RFX8: variants seen among roughly 807,000 people sequenced by gnomAD.
The protein encoded by RFX8 is DNA-binding protein RFX8.
Under a neutral mutation model 54.6 loss-of-function variants are expected in RFX8, and 46 were observed. The observed-to-expected ratio is 0.84, with a 90% confidence interval of 0.67 to 1.08. The LOEUF is 1.08. RFX8 is among the 50% of genes least tolerant of loss of function. RFX8 has a pLI of 0.00. For missense variants in RFX8, 536 were observed against 562.3 expected (o/e 0.95, Z 0.47); for synonymous variants, 192 against 209.5 (o/e 0.92, Z 0.72).
intron 9 of RFX8, 85 bp from the exon 10 acceptor site, chr2:101,406,142 T>C (rs1250546919): frequency 8.4e-6 from 6 of 710,604 alleles, no homozygotes; most frequent in Non-Finnish European, 2.3e-6. Flanking sequence ...ACATTTGTCA[T>C]GCACACGCAT....
chr2:101,432,896 G>A (rs1382412295), intron 2 of RFX8, among the ~76,000 whole-genome samples: 1 of 152,204 alleles, frequency 6.6e-6, no homozygotes, highest in Admixed American at 6.5e-5. Flanking sequence ...ACACAGGAGT[G>A]ACTCCCAGGC....
intron 2 of RFX8, among the ~76,000 whole-genome samples, chr2:101,446,702 T>C (rs190533896): frequency 1.7e-4 from 25 of 151,514 alleles, no homozygotes; most frequent in African/African-American, 5.8e-4. Context: ...ACGCTAATGG[T>C]CTCTCCCCTC....
chr2:101,460,843 A>T (rs1362042142), intron 2 of RFX8, among the ~76,000 whole-genome samples: 51 of 151,498 alleles, frequency 3.4e-4, no homozygotes, highest in Non-Finnish European at 3.4e-4. Context: ...TCCTGCAGGA[A>T]GTCCACACAA....
At chr2:101,465,226 T>C (rs1411029737) in intron 2 of RFX8, among the ~76,000 whole-genome samples, 1 of 152,106 alleles carries the variant, frequency 6.6e-6, no homozygotes, top group Non-Finnish European at 1.5e-5. Flanking sequence ...CAAAACTGAA[T>C]AGGTGGCCGG....
chr2:101,474,226 C>T (rs779922871), intron 1 of RFX8: 7 of 624,522 alleles, frequency 1.1e-5, no homozygotes, highest in South Asian at 5.1e-5. Flanking sequence ...GCTGTGCGGG[C>T]CCCGGCTACC....
At chr2:101,397,851 C>A in intron 11 of RFX8, 127 bp from the exon 12 acceptor site, 3 of 710,226 alleles carry the variant, frequency 4.2e-6, no homozygotes, top group South Asian at 2.4e-5. Flanking sequence ...AGGAGAAGTT[C>A]ATGCATTTAT....
At chr2:101,404,461 G>A (rs1455991747) in intron 10 of RFX8, among the ~76,000 whole-genome samples, 2 of 152,060 alleles carry the variant, frequency 1.3e-5, no homozygotes, top group Non-Finnish European at 2.9e-5. Flanking sequence ...GACAGAGTCT[G>A]GCTCTGTTGC....
At chr2:101,428,914 G>A (rs1160438201) in intron 2 of RFX8, 1 of 1,213,456 alleles carries the variant, frequency 8.2e-7, no homozygotes, top group East Asian at 2.5e-5. Flanking sequence ...GGTATTGCTA[G>A]GTCTGGGTCT....
At chr2:101,471,265 C>T (rs1689972309) in intron 1 of RFX8, among the ~76,000 whole-genome samples, 1 of 152,014 alleles carries the variant, frequency 6.6e-6, no homozygotes, top group South Asian at 2.1e-4. Context: ...ACCTGGGAGG[C>T]AGAGGTTGCA....
At chr2:101,424,878 C>T (rs2104593453) in intron 2 of RFX8, among the ~76,000 whole-genome samples, 1 of 152,136 alleles carries the variant, frequency 6.6e-6, no homozygotes, top group South Asian at 2.1e-4. Flanking sequence ...GGGTCGGGGC[C>T]TGGGGGAGGG....
intron 2 of RFX8, among the ~76,000 whole-genome samples, chr2:101,456,191 G>A (rs112085342): frequency 0.057 from 8,629 of 152,196 alleles, 459 homozygotes; most frequent in African/African-American, 0.14. Flanking sequence ...TTTCCTAATT[G>A]AATACCCTTT....
At chr2:101,438,647 G>A (rs555083358) in intron 2 of RFX8, among the ~76,000 whole-genome samples, 3 of 152,198 alleles carry the variant, frequency 2.0e-5, no homozygotes, top group Non-Finnish European at 2.9e-5. Context: ...GGTTTAATAA[G>A]AAACTGCCAA....
At chr2:101,412,846 A>T in intron 8 of RFX8, 69 bp downstream of exon 8, 1 of 1,412,546 alleles carries the variant, frequency 7.1e-7, no homozygotes. Context: ...TCATGAGTTA[A>T]CGATGGCCAT....
At chr2:101,424,818 A>G (rs979710091) in intron 2 of RFX8, among the ~76,000 whole-genome samples, 1 of 152,140 alleles carries the variant, frequency 6.6e-6, no homozygotes, top group African/African-American at 2.4e-5. Flanking sequence ...TTGAACAATG[A>G]GAACACTTGG....
In RFX8 at chr2:101,453,467, G is replaced by A. The variant is rs1037408217; in HGVS notation, c.72+13310C>T. On this transcript the variant is annotated intron_variant, in intron 2 of 11. Coordinates refer to ENST00000428343, the MANE Select transcript of RFX8 (RefSeq NM_001145664.2). ...AGCCTGGTCAACATGGTGAAAACCC[G>A]TCTCTACTAAAAATACAAAAATTAG... is the stretch of plus-strand genomic sequence containing the variant. Among the ~76,000 whole-genome samples the A allele has an allele frequency of 7.4e-4, 112 of 151,866 alleles. 2 individuals carry two copies. Among genetic ancestry groups the A allele is most frequent in the African/African-American group, 2.4e-3 (101 of 41,436 alleles).
chr2:101,406,134 A>G (rs1043823242), intron 9 of RFX8, 77 bp from the exon 10 acceptor site: 24 of 780,216 alleles, frequency 3.1e-5, no homozygotes, highest in Non-Finnish European at 4.8e-5. Context: ...AAATGCACAC[A>G]TTTGTCATGC....
chr2:101,419,396 A>G (rs981768696), intron 4 of RFX8, among the ~76,000 whole-genome samples: 5 of 152,194 alleles, frequency 3.3e-5, no homozygotes, highest in Admixed American at 2.0e-4. Flanking sequence ...CCTCCTTGCC[A>G]TCAAGTTAGA....
chr2:101,450,255 C>CT (rs1262651605), intron 2 of RFX8, among the ~76,000 whole-genome samples: 7 of 152,150 alleles, frequency 4.6e-5, no homozygotes, highest in Non-Finnish European at 1.0e-4. Context: ...GGGTCTCACT[C>CT]TGTCACCCAG....
At chr2:101,461,377 T>A (rs1388673718) in intron 2 of RFX8, among the ~76,000 whole-genome samples, 2 of 152,074 alleles carry the variant, frequency 1.3e-5, no homozygotes, top group Admixed American at 6.6e-5. Context: ...ATTCCTATTG[T>A]CAACAACAGA....
Sources: allele counts gnomAD v4.1 joint callset (sites outside exome capture counted in the v4.1 genomes callset), GRCh38; gene constraint gnomAD v4.1.1; transcripts MANE v1.5; gene names NCBI Gene and HGNC (gene_info 2026-07-23, HGNC 2026-07-21).